INPP4A: variants seen among roughly 807,000 people sequenced by gnomAD.
INPP4A encodes the protein inositol polyphosphate-4-phosphatase, type I, 107kD.
In INPP4A, 33 loss-of-function variants were observed where a neutral mutation model predicts 119.8. That is an observed-to-expected ratio of 0.28 (90% CI 0.21 to 0.37). INPP4A has a LOEUF of 0.37. INPP4A is among the 10% of genes least tolerant of loss of function. The pLI, the probability that INPP4A is intolerant of heterozygous loss-of-function variation, is 1.00. For synonymous variants in INPP4A, 496 were observed against 500.7 expected (o/e 0.99, Z 0.12); for missense variants, 956 against 1,289.9 (o/e 0.74, Z 3.97).
At chr2:98,575,440 A>G (rs1698253078) in intron 23 of INPP4A, among the ~76,000 whole-genome samples, 1 of 152,218 alleles carries the variant, frequency 6.6e-6, no homozygotes, top group African/African-American at 2.4e-5. Flanking sequence ...GCACATACCA[A>G]GTTCACTCTT....
At chr2:98,533,253 T>C in intron 4 of INPP4A, 124 bp from the exon 5 acceptor site, 2 of 623,500 alleles carry the variant, frequency 3.2e-6, no homozygotes, top group South Asian at 1.9e-5. Context: ...CAACTGACGA[T>C]GTGATCGTCT....
At chr2:98,517,859 C>G (rs1053265476) in intron 1 of INPP4A, among the ~76,000 whole-genome samples, 3 of 152,192 alleles carry the variant, frequency 2.0e-5, no homozygotes, top group African/African-American at 2.4e-5. Flanking sequence ...AATGTTTGAA[C>G]TACTCTAAGA....
At chr2:98,500,624 G>A (rs372203719) in intron 1 of INPP4A, among the ~76,000 whole-genome samples, 1 of 152,102 alleles carries the variant, frequency 6.6e-6, no homozygotes, top group African/African-American at 2.4e-5. Context: ...CAGGGTAGGG[G>A]GTCAGTGGAT....
rs200022842 is a variant in INPP4A at position 98,537,932 on chromosome 2, A to G, written c.537A>G (p.Gln179=). ...GGCAGATGGAGGAGAAGTCAGACCA[A>G]CGGCCCCCTGTGACCCGGTCTGTGG... ...IGWQMEEKSD[Q]RPPVTRSVDT... is the part of the protein sequence containing the mutation. Residue 179 remains glutamine (Q), a synonymous_variant, in exon 8 of 25, where the codon CAA becomes CAG. Coordinates refer to ENST00000409851, the MANE Select transcript of INPP4A (RefSeq NM_001134225.2). 18 of 1,612,992 alleles carry G rather than the reference A, an allele frequency of 1.1e-5. No homozygotes were observed. The highest frequency in any genetic ancestry group is 1.4e-5 in the Non-Finnish European group (17 of 1,179,542).
chr2:98,500,318 G>C (rs892012618), intron 1 of INPP4A, among the ~76,000 whole-genome samples: 5 of 152,072 alleles, frequency 3.3e-5, no homozygotes, highest in African/African-American at 1.2e-4. Context: ...TTGATGATCC[G>C]CCACCACTGT....
Position 98,544,782 on chromosome 2 carries a change from G to C in INPP4A, c.949+775G>C, listed in dbSNP as rs142716397. Among the ~76,000 whole-genome samples, 705 of 152,304 alleles carry C rather than the reference G, an allele frequency of 4.6e-3. 4 individuals carry two copies. Among genetic ancestry groups the C allele is most frequent in the Non-Finnish European group, 5.8e-3 (392 of 68,020 alleles). ...AAGCCCTTGATGTGGTTTTGACACA[G>C]AACATGTGAACCCATCCATAAACTT... On this transcript the variant is annotated intron_variant, in intron 11 of 24. Coordinates refer to ENST00000409851, the MANE Select transcript of INPP4A (RefSeq NM_001134225.2).
chr2:98,546,061 G>A lies in INPP4A; in HGVS notation c.1042G>A (p.Asp348Asn), dbSNP rs1024484850. 11 of 1,577,268 alleles carry A rather than the reference G, an allele frequency of 7.0e-6. No homozygotes were observed. Among genetic ancestry groups the A allele is most frequent in the Non-Finnish European group, 7.8e-6 (9 of 1,160,002 alleles). Residue 348 changes from aspartate to asparagine, a missense_variant, in exon 12 of 25, where the codon GAT becomes AAT. Asp to Asn is a conservative substitution (Grantham distance 23, BLOSUM62 1). Transcript: ENST00000409851. This position sits in a 1 kb window ranked among gnomAD's most constrained non-coding sequence, Gnocchi z 4.2. ...LHIQRMRVQD[D>N]GGSDQNYDIV... Reference sequence around the variant, plus strand: ...CATACAAAGGATGAGAGTTCAAGACGATGGAGGATCAGGTACCTATTTTTC... The same window carrying A: ...CATACAAAGGATGAGAGTTCAAGACAATGGAGGATCAGGTACCTATTTTTC...
chr2:98,533,137 G>A (rs1356784128), intron 4 of INPP4A, among the ~76,000 whole-genome samples: 1 of 152,238 alleles, frequency 6.6e-6, no homozygotes. Flanking sequence ...GGAAGCCCCC[G>A]TCAGCGCAGC....
chr2:98,484,898 T>G (rs1233088471), intron 1 of INPP4A, among the ~76,000 whole-genome samples: 2 of 152,154 alleles, frequency 1.3e-5, no homozygotes, highest in Admixed American at 1.3e-4. Flanking sequence ...TAGGCTGCTA[T>G]TTAATCTTTC....
At chr2:98,462,031 G>A (rs1287165908) in intron 1 of INPP4A, among the ~76,000 whole-genome samples, 1 of 152,208 alleles carries the variant, frequency 6.6e-6, no homozygotes, top group Non-Finnish European at 1.5e-5. Context: ...AAGAGGGTGG[G>A]GTTAGACGAC....
At position 98,590,802 on chromosome 2, in the gene INPP4A, G is replaced by A. The variant is rs1008126837; in HGVS notation, c.*3194G>A. Reference sequence around the variant, plus strand: ...AAATGTTTAACTCTTGGAGTTTTTAGTATTACCAAACTCCTAGAAATTTAA... The same window carrying A: ...AAATGTTTAACTCTTGGAGTTTTTAATATTACCAAACTCCTAGAAATTTAA... On this transcript the variant is annotated 3_prime_UTR_variant, in exon 25 of 25. Transcript: ENST00000409851. The A allele has an allele frequency of 1.3e-5, 3 of 227,734 alleles. No homozygotes were observed. In the East Asian group the frequency reaches 1.9e-4, roughly 14 times the overall value. The allele number at this position is 227,734 out of a possible 1,614,324, so 14.1% of individuals were successfully genotyped here. A position where few individuals can be genotyped will look rare whatever the true frequency, so the allele number is the denominator to read the frequency against.
chr2:98,508,187 A>C lies in INPP4A; in HGVS notation c.-165-10777A>C, dbSNP rs569086067. Among the ~76,000 whole-genome samples the C allele has an allele frequency of 3.9e-5, 6 of 152,334 alleles. No homozygotes were observed. The East Asian group carries it at 1.2e-3, about 29-fold the overall frequency. On this transcript the variant is annotated intron_variant, in intron 1 of 24. Transcript: ENST00000409851. ...TAGTGGCTGGGGCAAGTCAGGGTCC[A>C]GCTTCCAGGTGGCCAGCTCTGGGCA...
intron 1 of INPP4A, among the ~76,000 whole-genome samples, chr2:98,477,517 A>T (rs1419118690): frequency 1.3e-5 from 2 of 152,232 alleles, no homozygotes; most frequent in Non-Finnish European, 1.5e-5. Flanking sequence ...ACAACAGAGG[A>T]TGAACCAGAG....
At chr2:98,460,129 GTGTA>G (rs921926118) in intron 1 of INPP4A, among the ~76,000 whole-genome samples, 5 of 151,804 alleles carry the variant, frequency 3.3e-5, no homozygotes, top group African/African-American at 9.7e-5. Context: ...GTGTGTGTGT[GTGTA>G]TGTTTAAAAT....
chr2:98,557,326 A>G (rs1351956133), intron 16 of INPP4A, among the ~76,000 whole-genome samples: 2 of 152,230 alleles, frequency 1.3e-5, no homozygotes, highest in South Asian at 2.1e-4. Context: ...TCAGTACTCA[A>G]ATGTATGAAA....
At chr2:98,476,263 C>T (rs2104942410) in intron 1 of INPP4A, among the ~76,000 whole-genome samples, 1 of 152,286 alleles carries the variant, frequency 6.6e-6, no homozygotes, top group African/African-American at 2.4e-5. Flanking sequence ...CCAGGTGTTG[C>T]CAGGACACAC....
Position 98,545,958 on chromosome 2 carries a change from C to G in INPP4A, c.950-11C>G. On this transcript the variant is annotated splice_polypyrimidine_tract_variant and intron_variant, in intron 11 of 24. Transcript: ENST00000409851. ...CTGATGGCCTTTATCTTCTCCTATTCCATTTCTTAGGGCCCTCGTTTAAAG... is the reference window on the plus strand; with the variant it reads ...CTGATGGCCTTTATCTTCTCCTATTGCATTTCTTAGGGCCCTCGTTTAAAG... The G allele has an allele frequency of 6.4e-7, 1 of 1,568,900 alleles. No individual in the cohort carries two copies. Among genetic ancestry groups the G allele is most frequent in the Non-Finnish European group, 8.7e-7 (1 of 1,154,586 alleles).
intron 1 of INPP4A, among the ~76,000 whole-genome samples, chr2:98,456,171 T>C (rs1347011884): frequency 1.3e-5 from 2 of 152,134 alleles, no homozygotes; most frequent in Non-Finnish European, 2.9e-5. Flanking sequence ...CATTCCTGAC[T>C]TGTTTCAAAA....
rs1333456357 is a variant in INPP4A at position 98,569,984 on chromosome 2, G to A, written c.2518+1316G>A. Among the ~76,000 whole-genome samples, 1 of 152,148 alleles carries A rather than the reference G, an allele frequency of 6.6e-6. No homozygotes were observed. Among genetic ancestry groups the A allele is most frequent in the Non-Finnish European group, 1.5e-5 (1 of 68,032 alleles). On this transcript the variant is annotated intron_variant, in intron 22 of 24. Transcript: ENST00000409851. This position sits in a 1 kb window ranked among gnomAD's most constrained non-coding sequence, Gnocchi z 5.1. ...GCGTGGAGAGAGGGATGAGGCGTTA[G>A]GGGGGTTTGGGCTGAGGATGCACTC... is the stretch of plus-strand genomic sequence containing the variant.
Sources: allele counts gnomAD v4.1 joint callset (sites outside exome capture counted in the v4.1 genomes callset), GRCh38; gene constraint gnomAD v4.1.1; non-coding constraint Gnocchi (gnomAD v3.1); transcripts MANE v1.5; gene names NCBI Gene and HGNC (gene_info 2026-07-23, HGNC 2026-07-21).